The following NIPA2 variants were observed in gnomAD, a reference collection of about 807,000 sequenced individuals.
The protein encoded by NIPA2 is magnesium transporter NIPA2.
In NIPA2, 11 loss-of-function variants were observed where a neutral mutation model predicts 29.7. The observed-to-expected ratio is 0.37, with a 90% CI of 0.23 to 0.61. The LOEUF (loss-of-function observed/expected upper bound fraction) is 0.61, where lower values mean the gene tolerates loss of function less well. Among genes scored for constraint, NIPA2 ranks in the 20% least tolerant of loss-of-function variants. The pLI, the probability that NIPA2 is intolerant of heterozygous loss-of-function variation, is 0.66. For synonymous variants in NIPA2, 183 were observed against 161.9 expected, an observed-to-expected ratio of 1.13 and a Z score of -0.99; for missense variants, 426 against 437.9, an observed-to-expected ratio of 0.97 and a Z score of 0.24.
chr15:22,864,357 T>C (rs1278402145), intron 7 of NIPA2, among the ~76,000 whole-genome samples: 3 of 152,146 alleles, frequency 2.0e-5, no homozygotes, highest in African/African-American at 7.2e-5. Flanking sequence ...GGTTTCACCA[T>C]GTTAGCCAGG....
At position 22,842,277 on chromosome 15, in the gene NIPA2, C is replaced by G. The variant is rs114360274; in HGVS notation, c.-216+2487C>G. Among the ~76,000 whole-genome samples, 702 of 152,132 alleles carry G rather than the reference C, an allele frequency of 4.6e-3. 10 individuals carry two copies. Among genetic ancestry groups the G allele is most frequent in the African/African-American group, 0.016 (643 of 41,476 alleles). On this transcript the variant is annotated intron_variant, in intron 2 of 7. Transcript: ENST00000337451. ...AATACTAGTTAAGTACCAAAGTAAC[C>G]GTAACAGAGGGGTAGTTAGTGTCAA...
intron 5 of NIPA2, 59 bp downstream of exon 5, chr15:22,853,327 A>G (rs2057913790): frequency 1.9e-6 from 2 of 1,031,690 alleles, no homozygotes; most frequent in South Asian, 1.4e-5. Flanking sequence ...ATATTTGCAT[A>G]TGGTATTATA....
At chr15:22,847,264 A>G (rs1481873941) in intron 3 of NIPA2, among the ~76,000 whole-genome samples, 2 of 151,936 alleles carry the variant, frequency 1.3e-5, no homozygotes, top group African/African-American at 4.8e-5. Flanking sequence ...TTTTTTCTGG[A>G]TATCATCTTT....
Position 22,838,879 on chromosome 15 carries a change from T to C in NIPA2, c.-394T>C, listed in dbSNP as rs1896242850. The C allele has an allele frequency of 2.0e-5, 3 of 152,292 alleles. No individual in the cohort carries two copies. The highest frequency in any genetic ancestry group is 7.2e-5 in the African/African-American group (3 of 41,430). The allele number at this position is 152,292 out of a possible 1,614,324, so 9.4% of individuals were successfully genotyped here. A position where few individuals can be genotyped will look rare whatever the true frequency, so the allele number is the denominator to read the frequency against. On this transcript the variant is annotated 5_prime_UTR_variant, in exon 1 of 8. Coordinates refer to ENST00000337451, the MANE Select transcript of NIPA2 (RefSeq NM_030922.7). Reference sequence around the variant, plus strand: ...GGGTGTGAGCCGCGGTGCCCAAGGCTGCGCCGGCGAGGGGAAGCCGCGCGG... The same window carrying C: ...GGGTGTGAGCCGCGGTGCCCAAGGCCGCGCCGGCGAGGGGAAGCCGCGCGG...
At chr15:22,840,360 C>G (rs1051134423) in intron 2 of NIPA2, among the ~76,000 whole-genome samples, 23 of 149,442 alleles carry the variant, frequency 1.5e-4, no homozygotes, top group Admixed American at 8.1e-4. Context: ...TGCAGTGGCA[C>G]GATCTCTGCT....
At chr15:22,848,825 CAAA>C (rs35853443) in intron 3 of NIPA2, among the ~76,000 whole-genome samples, 22 of 66,736 alleles carry the variant, frequency 3.3e-4, no homozygotes, top group African/African-American at 1.1e-3. Flanking sequence ...ACTCTTGTCT[CAAA>C]AAAAAAAAAA....
chr15:22,861,305 CTCAGTGCCT>C (rs1202056871), intron 7 of NIPA2, among the ~76,000 whole-genome samples: 1 of 152,176 alleles, frequency 6.6e-6, no homozygotes. Flanking sequence ...GGAAATTTCT[CTCAGTGCCT>C]TCTGTGTGGC....
In NIPA2 at chr15:22,866,492, T is replaced by G. The variant is rs1369263121; in HGVS notation, c.728T>G (p.Phe243Cys). 1 of 1,613,862 alleles carries G rather than the reference T, an allele frequency of 6.2e-7. No individual in the cohort carries two copies. Among genetic ancestry groups the G allele is most frequent in the African/African-American group, 1.3e-5 (1 of 74,900 alleles). ...TACCTAAATAGGGCCCTGGATATATTCAACACTTCCATTGTGACTCCAATA... is the reference window on the plus strand; with the variant it reads ...TACCTAAATAGGGCCCTGGATATATGCAACACTTCCATTGTGACTCCAATA... ...INYLNRALDI[F>C]NTSIVTPIYY... The change falls in exon 8 of 8, where the codon TTC becomes TGC. Residue 243 changes from phenylalanine (F) to cysteine (C), a missense_variant. This residue lies in a region of NIPA2 where 357 missense variants were observed against 339.8 expected (regional missense o/e 1.05). Transcript: ENST00000337451.
chr15:22,847,243 A>C (rs1356052225), intron 3 of NIPA2, among the ~76,000 whole-genome samples: 1 of 151,836 alleles, frequency 6.6e-6, no homozygotes, highest in Non-Finnish European at 1.5e-5. Flanking sequence ...AGAACTGTAG[A>C]TAAACCTGAC....
At position 22,867,399 on chromosome 15, in the gene NIPA2, G is replaced by C. The variant is rs543961693; in HGVS notation, c.*552G>C. On this transcript the variant is annotated 3_prime_UTR_variant, in exon 8 of 8. Transcript: ENST00000337451. ...CCTCTTTCTTACAAAACAAAAAAAAGGGCAGAAATCACCCCAAGGAACGAT... is the reference window on the plus strand; with the variant it reads ...CCTCTTTCTTACAAAACAAAAAAAACGGCAGAAATCACCCCAAGGAACGAT... The C allele has an allele frequency of 1.3e-5, 5 of 383,968 alleles. No homozygotes were observed. The highest frequency in any genetic ancestry group is 1.8e-5 in the Non-Finnish European group (4 of 217,934). The allele number at this position is 383,968 out of a possible 1,614,324, so 23.8% of individuals were successfully genotyped here. A position where few individuals can be genotyped will look rare whatever the true frequency, so the allele number is the denominator to read the frequency against.
intron 5 of NIPA2, among the ~76,000 whole-genome samples, chr15:22,854,124 C>T (rs540481485): frequency 4.5e-4 from 69 of 151,720 alleles, no homozygotes; most frequent in African/African-American, 1.2e-3. Flanking sequence ...CATGCCCAGC[C>T]GTTACTTATT....
chr15:22,850,884 T>C (rs1032267514), intron 3 of NIPA2, among the ~76,000 whole-genome samples: 3 of 152,204 alleles, frequency 2.0e-5, no homozygotes, highest in Admixed American at 2.0e-4. Flanking sequence ...TTAGAACCAA[T>C]CATAAACCTT....
chr15:22,860,129 C>CTG (rs2058518143), intron 6 of NIPA2, among the ~76,000 whole-genome samples: 1 of 151,758 alleles, frequency 6.6e-6, no homozygotes, highest in South Asian at 2.1e-4. Flanking sequence ...CTTCTAGGTC[C>CTG]TGCCCCAGCC....
At chr15:22,851,940 G>A in intron 4 of NIPA2, 70 bp downstream of exon 4, 1 of 1,309,942 alleles carries the variant, frequency 7.6e-7, no homozygotes, top group South Asian at 1.3e-5. Flanking sequence ...CTTTGTACAA[G>A]ACCACATCTT....
At chr15:22,866,153 A>C in intron 7 of NIPA2, 60 bp from the exon 8 acceptor site, 1 of 1,378,602 alleles carries the variant, frequency 7.3e-7, no homozygotes, top group East Asian at 2.3e-5. Context: ...TTTGTTTTGC[A>C]TTCTGTGTTT....
chr15:22,861,801 C>A (rs1216166080), intron 7 of NIPA2, among the ~76,000 whole-genome samples: 1 of 152,092 alleles, frequency 6.6e-6, no homozygotes, highest in African/African-American at 2.4e-5. Context: ...GTGATGTGAT[C>A]TCAGCTCACT....
At chr15:22,841,777 G>A (rs1370979023) in intron 2 of NIPA2, among the ~76,000 whole-genome samples, 2 of 152,152 alleles carry the variant, frequency 1.3e-5, no homozygotes, top group Admixed American at 1.3e-4. Flanking sequence ...AAAGTGCTGG[G>A]ATTATAGGCG....
intron 6 of NIPA2, among the ~76,000 whole-genome samples, chr15:22,859,816 C>T (rs2141446544): frequency 6.6e-6 from 1 of 151,970 alleles, no homozygotes; most frequent in Non-Finnish European, 1.5e-5. Flanking sequence ...TGCCCTTTAC[C>T]CTTAATTTTC....
intron 5 of NIPA2, among the ~76,000 whole-genome samples, chr15:22,854,794 T>G (rs988030235): frequency 6.6e-6 from 1 of 152,132 alleles, no homozygotes; most frequent in South Asian, 2.1e-4. Context: ...CACCCTGTTG[T>G]GCTATCAAAT....
Sources: gnomAD v4.1 joint callset for allele counts (sites outside exome capture counted in the v4.1 genomes callset) on GRCh38, gnomAD v4.1.1 for gene constraint, gnomAD v4.1.1 regional missense constraint, MANE v1.5 for transcripts, NCBI Gene and HGNC (gene_info 2026-07-23, HGNC 2026-07-21) for gene names.